The following PDGFD variants were observed in gnomAD, a reference collection of about 807,000 sequenced individuals.
PDGFD encodes the protein platelet derived growth factor D, also known as platelet-derived growth factor D.
Under a neutral mutation model 44.7 loss-of-function variants are expected in PDGFD, and 30 were observed. The observed-to-expected ratio is 0.67, with a 90% CI of 0.50 to 0.91. The LOEUF is 0.91. Ranked by LOEUF, PDGFD falls within the 40% of genes least tolerant of loss-of-function variation. The pLI is 0.00. For synonymous variants in PDGFD, 173 were observed against 168.4 expected (o/e 1.03, Z -0.21); for missense variants, 445 against 457.8 (o/e 0.97, Z 0.25).
chr11:104,125,860 C>T (rs370171850), intron 1 of PDGFD, among the ~76,000 whole-genome samples: 2 of 152,156 alleles, frequency 1.3e-5, no homozygotes, highest in Non-Finnish European at 2.9e-5. Flanking sequence ...CTATGACCAA[C>T]AGTAATGGTG....
At chr11:103,910,966 G>A (rs1295611681) in intron 6 of PDGFD, among the ~76,000 whole-genome samples, 5 of 152,234 alleles carry the variant, frequency 3.3e-5, no homozygotes, top group Non-Finnish European at 7.3e-5. Flanking sequence ...CAAAGCTACT[G>A]GGAAGTTTGA....
chr11:104,059,694 TG>T (rs1204786385), intron 1 of PDGFD, among the ~76,000 whole-genome samples: 1 of 152,206 alleles, frequency 6.6e-6, no homozygotes, highest in Non-Finnish European at 1.5e-5. Context: ...CAAAACTGCT[TG>T]AACAGCCTTC....
intron 5 of PDGFD, among the ~76,000 whole-genome samples, chr11:103,939,712 A>T (rs1396441499): frequency 6.6e-6 from 1 of 152,162 alleles, no homozygotes; most frequent in Non-Finnish European, 1.5e-5. Flanking sequence ...TCCGATACTC[A>T]TTATTAGTAT....
At chr11:103,912,195 A>T (rs1316739065) in intron 6 of PDGFD, among the ~76,000 whole-genome samples, 1 of 152,216 alleles carries the variant, frequency 6.6e-6, no homozygotes, top group Non-Finnish European at 1.5e-5. Context: ...ACCAAGGTTG[A>T]AATGAAGGAA....
intron 1 of PDGFD, among the ~76,000 whole-genome samples, chr11:104,035,561 C>CTTTTTTT (rs3050598): frequency 2.3e-4 from 26 of 115,244 alleles, no homozygotes; most frequent in South Asian, 3.0e-4. Context: ...ACTTCTTTTT[C>CTTTTTTT]TTTTTTTTTT....
At chr11:104,091,560 C>G (rs1444618750) in intron 1 of PDGFD, among the ~76,000 whole-genome samples, 3 of 152,126 alleles carry the variant, frequency 2.0e-5, no homozygotes, top group Non-Finnish European at 4.4e-5. Context: ...TGAGTATTTG[C>G]AGGGAAAGGC....
At position 103,930,779 on chromosome 11, in the gene PDGFD, C is replaced by T. The variant is rs77831193; in HGVS notation, c.773-3653G>A. On this transcript the variant is annotated intron_variant, in intron 5 of 6. Coordinates refer to ENST00000393158, the MANE Select transcript of PDGFD (RefSeq NM_025208.5). ...GGTGCACCCATAGGCACTAACCTGT[C>T]ATTTTCACAATGTCATTAATACACA... Among the ~76,000 whole-genome samples, 874 of 152,316 alleles carry T rather than the reference C, an allele frequency of 5.7e-3. 13 individuals carry two copies. The highest frequency in any genetic ancestry group is 0.02 in the African/African-American group (827 of 41,576).
At chr11:104,126,939 C>T (rs879521592) in intron 1 of PDGFD, among the ~76,000 whole-genome samples, 3 of 152,074 alleles carry the variant, frequency 2.0e-5, no homozygotes, top group Non-Finnish European at 2.9e-5. Context: ...CTTGGTGATA[C>T]AGCAGCAGAG....
intron 1 of PDGFD, among the ~76,000 whole-genome samples, chr11:104,137,830 A>G (rs916589038): frequency 1.3e-5 from 2 of 148,486 alleles, no homozygotes; most frequent in African/African-American, 2.5e-5. Flanking sequence ...GCCTTTCCCA[A>G]CAGGCCCACT....
intron 5 of PDGFD, among the ~76,000 whole-genome samples, chr11:103,933,551 C>G (rs754361040): frequency 2.0e-5 from 3 of 152,200 alleles, no homozygotes; most frequent in Non-Finnish European, 4.4e-5. Flanking sequence ...TGTTTTTACA[C>G]AAATTAACCT....
chr11:104,100,211 C>A (rs534869875), intron 1 of PDGFD, among the ~76,000 whole-genome samples: 17 of 152,212 alleles, frequency 1.1e-4, no homozygotes, highest in Non-Finnish European at 2.4e-4. Flanking sequence ...AGCCTACACA[C>A]CTCTGGTCAT....
chr11:104,087,838 A>G (rs1433819062), intron 1 of PDGFD, among the ~76,000 whole-genome samples: 1 of 152,200 alleles, frequency 6.6e-6, no homozygotes, highest in African/African-American at 2.4e-5. Flanking sequence ...GAGCATTTTC[A>G]TTTGGCATAA....
In PDGFD at chr11:103,996,085, T is replaced by G. The variant is rs568807570; in HGVS notation, c.490A>C (p.Lys164Gln). ...DDYFVAKPGF[K>Q]IYYSLLEDFQ... is the part of the protein sequence containing the mutation. ...CTCACCAGCAAAGAATAATAAATCT[T>G]GAATCCAGGTTTAGCCACAAAGTAG... is the stretch of plus-strand genomic sequence containing the variant. Residue 164 changes from lysine (K) to glutamine (Q), a missense_variant, in exon 3 of 7, where the codon AAG becomes CAG. By Grantham distance (53) the Lys-to-Gln change is moderately conservative. Transcript: ENST00000393158. The G allele has an allele frequency of 3.0e-5, 49 of 1,613,354 alleles. No homozygotes were observed. The Admixed American group carries it at 3.8e-4, about 13-fold the overall frequency.
intron 1 of PDGFD, among the ~76,000 whole-genome samples, chr11:104,159,153 CAAAAAAAAA>C (rs765727400): frequency 1.5e-5 from 1 of 66,562 alleles, no homozygotes; most frequent in Admixed American, 1.8e-4. Flanking sequence ...GACTCCATCT[CAAAAAAAAA>C]AAAAAAAAAA....
chr11:103,923,908 T>C (rs927268683), intron 6 of PDGFD, among the ~76,000 whole-genome samples: 4 of 152,238 alleles, frequency 2.6e-5, no homozygotes, highest in African/African-American at 4.8e-5. Context: ...AGAGATGCTT[T>C]AGATACAGTT....
At chr11:103,983,410 A>C (rs1343066685) in intron 3 of PDGFD, among the ~76,000 whole-genome samples, 3 of 151,416 alleles carry the variant, frequency 2.0e-5, no homozygotes, top group Non-Finnish European at 2.9e-5. Context: ...ACCATATACA[A>C]AAATTAACTC....
chr11:104,127,910 G>C (rs953076833), intron 1 of PDGFD, among the ~76,000 whole-genome samples: 1 of 152,150 alleles, frequency 6.6e-6, no homozygotes, highest in Non-Finnish European at 1.5e-5. Context: ...TTGGTATTTA[G>C]TGTTCTAATA....
chr11:103,991,857 C>T (rs966082106), intron 3 of PDGFD, among the ~76,000 whole-genome samples: 28 of 152,172 alleles, frequency 1.8e-4, no homozygotes, highest in African/African-American at 6.0e-4. Context: ...ATTTTACAGA[C>T]GATGAAACTG....
intron 1 of PDGFD, among the ~76,000 whole-genome samples, chr11:104,123,751 T>C (rs924682846): frequency 1.3e-5 from 2 of 152,118 alleles, no homozygotes; most frequent in Admixed American, 1.3e-4. Flanking sequence ...CATACCTGTA[T>C]TCCTTTGTGT....
Sources: allele counts gnomAD v4.1 joint callset (sites outside exome capture counted in the v4.1 genomes callset), GRCh38; gene constraint gnomAD v4.1.1; transcripts MANE v1.5; gene names NCBI Gene and HGNC (gene_info 2026-07-23, HGNC 2026-07-21).